Variants in CFAP95 observed in about 807,000 individuals in gnomAD.
The protein encoded by CFAP95 is cilia- and flagella-associated protein 95.
chr9:69,838,001 T>C, the CFAP95 span, among the ~76,000 whole-genome samples: 2 of 152,240 alleles, frequency 1.3e-5, no homozygotes, highest in Admixed American at 1.3e-4. Flanking sequence ...CCTTTCCCCA[T>C]TGCTTGTTTT....
the CFAP95 span, among the ~76,000 whole-genome samples, chr9:69,891,006 A>T: frequency 2.8e-4 from 42 of 152,280 alleles, no homozygotes; most frequent in African/African-American, 9.4e-4. Context: ...TCTCAATTTC[A>T]ATTAAAGATA....
At chr9:69,896,150 A>G in the CFAP95 span, among the ~76,000 whole-genome samples, 1 of 152,236 alleles carries the variant, frequency 6.6e-6, no homozygotes, top group Non-Finnish European at 1.5e-5. Flanking sequence ...TATACAGTCC[A>G]TTAAGTCATT....
the CFAP95 span, among the ~76,000 whole-genome samples, chr9:69,882,922 G>A: frequency 2.0e-5 from 3 of 152,050 alleles, no homozygotes; most frequent in Non-Finnish European, 4.4e-5. Flanking sequence ...TTTTTGATGT[G>A]TCTTTGTCTG....
At chr9:69,886,529 G>C in the CFAP95 span, among the ~76,000 whole-genome samples, 1 of 151,972 alleles carries the variant, frequency 6.6e-6, no homozygotes, top group African/African-American at 2.4e-5. Flanking sequence ...GGTAGAAAAC[G>C]TGAACAGAAA....
At chr9:69,858,240 C>A in the CFAP95 span, 1 of 452,800 alleles carries the variant, frequency 2.2e-6, no homozygotes, top group East Asian at 4.4e-5. Context: ...TATTTGTATC[C>A]CACAAGTCAA....
the CFAP95 span, among the ~76,000 whole-genome samples, chr9:69,848,725 G>A: frequency 6.6e-6 from 1 of 152,214 alleles, no homozygotes; most frequent in Non-Finnish European, 1.5e-5. Flanking sequence ...TCCCAGTATA[G>A]TGGGCCAGGC....
the CFAP95 span, among the ~76,000 whole-genome samples, chr9:69,886,185 C>T: frequency 6.6e-6 from 1 of 152,168 alleles, no homozygotes; most frequent in South Asian, 2.1e-4. Context: ...TATTGCAGTG[C>T]TTGTGTTCAA....
the CFAP95 span, among the ~76,000 whole-genome samples, chr9:69,904,738 T>C: frequency 6.6e-6 from 1 of 152,170 alleles, no homozygotes; most frequent in Non-Finnish European, 1.5e-5. Flanking sequence ...AGGACCTCTA[T>C]TTGACCTACC....
the CFAP95 span, among the ~76,000 whole-genome samples, chr9:69,826,451 C>G: frequency 6.6e-6 from 1 of 152,218 alleles, no homozygotes; most frequent in Non-Finnish European, 1.5e-5. Flanking sequence ...GCAATCCCAT[C>G]TTTCTACATC....
chr9:69,866,688 T>C, the CFAP95 span, among the ~76,000 whole-genome samples: 1 of 152,262 alleles, frequency 6.6e-6, no homozygotes, highest in Non-Finnish European at 1.5e-5. Context: ...ATCTGGGCTA[T>C]CTGGGCATTC....
the CFAP95 span, among the ~76,000 whole-genome samples, chr9:69,846,937 T>C: frequency 1.3e-5 from 2 of 152,176 alleles, no homozygotes; most frequent in African/African-American, 4.8e-5. Flanking sequence ...ATTCATGTAG[T>C]TGTGGGTTCT....
the CFAP95 span, among the ~76,000 whole-genome samples, chr9:69,892,923 A>G: frequency 6.6e-6 from 1 of 152,268 alleles, no homozygotes; most frequent in East Asian, 1.9e-4. Flanking sequence ...TGCTCGATAA[A>G]ATGCTCCACA....
chr9:69,847,973 A>T, the CFAP95 span, among the ~76,000 whole-genome samples: 7,468 of 152,324 alleles, frequency 0.049, 249 homozygotes, highest in East Asian at 0.15. Context: ...CTTATGCAAG[A>T]TCCTCAAAGA....
the CFAP95 span, among the ~76,000 whole-genome samples, chr9:69,847,798 T>A: frequency 6.6e-6 from 1 of 152,184 alleles, no homozygotes; most frequent in African/African-American, 2.4e-5. Flanking sequence ...TTTAGCTGAT[T>A]GAGGGTGTCC....
At chr9:69,864,605 GT>G in the CFAP95 span, among the ~76,000 whole-genome samples, 2 of 152,286 alleles carry the variant, frequency 1.3e-5, no homozygotes, top group East Asian at 3.9e-4. Context: ...AGGCCCAAAA[GT>G]AGTTCAGGCA....
At chr9:69,880,998 G>T in the CFAP95 span, among the ~76,000 whole-genome samples, 1 of 151,992 alleles carries the variant, frequency 6.6e-6, no homozygotes, top group South Asian at 2.1e-4. Flanking sequence ...CCCATTTTTT[G>T]ATAGGATTAT....
chr9:69,844,332 T>C, the CFAP95 span, among the ~76,000 whole-genome samples: 1 of 152,218 alleles, frequency 6.6e-6, no homozygotes, highest in Non-Finnish European at 1.5e-5. Context: ...GCTAGGTTGC[T>C]TTTAGGAATT....
At chr9:69,854,350 C>T in the CFAP95 span, among the ~76,000 whole-genome samples, 1 of 152,202 alleles carries the variant, frequency 6.6e-6, no homozygotes, top group Admixed American at 6.5e-5. Context: ...CCATGATTTA[C>T]TATAACCTAC....
At chr9:69,895,903 C>T in the CFAP95 span, among the ~76,000 whole-genome samples, 1 of 152,162 alleles carries the variant, frequency 6.6e-6, no homozygotes, top group Non-Finnish European at 1.5e-5. Context: ...TCAAGTGATC[C>T]TCCTGCCTCA....
Sources: gnomAD v4.1 joint callset for allele counts (sites outside exome capture counted in the v4.1 genomes callset) on GRCh38, gnomAD v4.1.1 for gene constraint, MANE v1.5 for transcripts, NCBI Gene and HGNC (gene_info 2026-07-23, HGNC 2026-07-21) for gene names.